The following PAK5 variants were observed in gnomAD, a reference collection of about 807,000 sequenced individuals.
The protein encoded by PAK5 is p21 (RAC1) activated kinase 5.
In PAK5, 16 loss-of-function variants were observed where a neutral mutation model predicts 65.9. The ratio of observed to expected loss-of-function variants is 0.24; its 90% CI spans 0.16 to 0.37. The LOEUF (loss-of-function observed/expected upper bound fraction) is 0.37. Ranked by LOEUF, PAK5 falls within the 10% of genes least tolerant of loss-of-function variation. PAK5 has a pLI of 1.00. For missense variants in PAK5, 785 were observed against 903.9 expected (o/e 0.87, Z 1.69); for synonymous variants, 371 against 354.9 (o/e 1.05, Z -0.51).
rs754026146 is a variant in PAK5 at position 9,819,536 on chromosome 20, C to CT, written c.-162+19225dup. 8.1e-4 allele frequency among the ~76,000 whole-genome samples: 124 copies of CT among 152,270 alleles called. 1 individual carries two copies. In the Middle Eastern group the frequency reaches 0.017, roughly 21 times the overall value. On this transcript the variant is annotated intron_variant, in intron 1 of 9. Coordinates refer to ENST00000353224, the MANE Select transcript of PAK5 (RefSeq NM_177990.4). Reference sequence around the variant, plus strand: ...ACTATAATTATATTGCTCAATTTTACTTTTACCTACACTAATGAACATTTA... The same window carrying CT: ...ACTATAATTATATTGCTCAATTTTACTTTTTACCTACACTAATGAACATTTA...
chr20:9,569,818 C>A (rs1456672210), intron 4 of PAK5, among the ~76,000 whole-genome samples: 1 of 151,862 alleles, frequency 6.6e-6, no homozygotes, highest in Non-Finnish European at 1.5e-5. Context: ...GCCTGGCCTG[C>A]TGAACATTCA....
At chr20:9,752,237 A>T (rs1382741697) in intron 1 of PAK5, among the ~76,000 whole-genome samples, 3 of 152,182 alleles carry the variant, frequency 2.0e-5, no homozygotes, top group Non-Finnish European at 4.4e-5. Context: ...TCCTTGAAAC[A>T]GAAGGGGTTT....
chr20:9,683,231 G>A (rs761659841), intron 2 of PAK5, among the ~76,000 whole-genome samples: 4 of 152,188 alleles, frequency 2.6e-5, no homozygotes, highest in Non-Finnish European at 4.4e-5. Flanking sequence ...TTCTCCGAAG[G>A]AATGGAAAAA....
chr20:9,697,154 G>C (rs1481855196), intron 2 of PAK5, among the ~76,000 whole-genome samples: 1 of 152,002 alleles, frequency 6.6e-6, no homozygotes, highest in Non-Finnish European at 1.5e-5. Flanking sequence ...ATTTAGAGAA[G>C]GTGCAGATTT....
intron 1 of PAK5, among the ~76,000 whole-genome samples, chr20:9,797,968 AC>A (rs2049124668): frequency 6.6e-6 from 1 of 152,082 alleles, no homozygotes; most frequent in Admixed American, 6.6e-5. Flanking sequence ...GAAGAGAAGT[AC>A]CCCAACCTGT....
chr20:9,823,689 A>T (rs1175835098), intron 1 of PAK5, among the ~76,000 whole-genome samples: 1 of 152,180 alleles, frequency 6.6e-6, no homozygotes, highest in Non-Finnish European at 1.5e-5. Flanking sequence ...GTATGTCTTT[A>T]TTAGCAGTGT....
At chr20:9,558,043 T>TATTTATTTATTCATTC (rs55861453) in intron 6 of PAK5, among the ~76,000 whole-genome samples, 3,137 of 138,746 alleles carry the variant, frequency 0.023, 43 homozygotes, top group East Asian at 0.048. Flanking sequence ...TTTATTTATT[T>TATTTATTTATTCATTC]ATTCATTCAT....
intron 2 of PAK5, among the ~76,000 whole-genome samples, chr20:9,694,315 T>C (rs1569044119): frequency 3.2e-5 from 1 of 31,442 alleles, no homozygotes. Flanking sequence ...TGTGTGTGTG[T>C]GTGTTTGTGT....
intron 4 of PAK5, among the ~76,000 whole-genome samples, chr20:9,571,430 G>C (rs937633307): frequency 1.3e-5 from 2 of 152,208 alleles, no homozygotes; most frequent in Non-Finnish European, 2.9e-5. Context: ...AGACGAAACT[G>C]CCCCCAAGCA....
chr20:9,609,396 G>T (rs1402866351), intron 3 of PAK5, among the ~76,000 whole-genome samples: 1 of 152,122 alleles, frequency 6.6e-6, no homozygotes, highest in Admixed American at 6.5e-5. Context: ...GTTTAACCTC[G>T]CATAGGTGCC....
intron 1 of PAK5, among the ~76,000 whole-genome samples, chr20:9,797,971 C>T (rs2049124744): frequency 6.6e-6 from 1 of 152,012 alleles, no homozygotes; most frequent in African/African-American, 2.4e-5. Context: ...GAGAAGTACC[C>T]CAACCTGTAG....
At chr20:9,810,578 G>T (rs2123753915) in intron 1 of PAK5, among the ~76,000 whole-genome samples, 1 of 152,268 alleles carries the variant, frequency 6.6e-6, no homozygotes, top group South Asian at 2.1e-4. Context: ...AATGTATCAA[G>T]GGCAGTGTTT....
intron 5 of PAK5, 65 bp downstream of exon 5, chr20:9,565,828 T>C: frequency 1.3e-6 from 2 of 1,486,104 alleles, no homozygotes; most frequent in Non-Finnish European, 1.8e-6. Context: ...TACATGTGTA[T>C]AACTTTTGAA....
chr20:9,707,369 T>TA (rs1241456312), intron 2 of PAK5, among the ~76,000 whole-genome samples: 1 of 152,174 alleles, frequency 6.6e-6, no homozygotes, highest in Non-Finnish European at 1.5e-5. Flanking sequence ...CTCAGCCTCT[T>TA]AAAGTGCTGG....
chr20:9,658,670 T>C (rs988321544), intron 2 of PAK5, among the ~76,000 whole-genome samples: 1 of 152,188 alleles, frequency 6.6e-6, no homozygotes, highest in African/African-American at 2.4e-5. Context: ...TGCTTCTAAG[T>C]GGTTAAAAAC....
At position 9,580,917 on chromosome 20, in the gene PAK5, C is replaced by T. The variant is rs867333778; in HGVS notation, c.218G>A (p.Gly73Glu). 6.3e-7 allele frequency: 1 copy of T among 1,586,812 alleles called. No homozygotes were observed. The highest frequency in any genetic ancestry group is 8.6e-7 in the Non-Finnish European group (1 of 1,167,892). The change falls in exon 4 of 10, where the codon GGA becomes GAA. Residue 73 changes from glycine (G) to glutamate (E), a missense_variant. Around this residue, in one of 4 missense-constraint regions of PAK5, gnomAD observed 71 missense variants for 110.2 expected, o/e 0.64. Transcript: ENST00000353224. ...QLAPMKTIVR[G>E]NKPCKETSIN... is the part of the protein sequence containing the mutation. ...GGAGGTTTCCTTGCAGGGTTTGTTT[C>T]CTCTAACGATTGTCTGGGAATAATA...
chr20:9,755,089 G>T (rs1238228319), intron 1 of PAK5, among the ~76,000 whole-genome samples: 4 of 152,134 alleles, frequency 2.6e-5, no homozygotes, highest in Non-Finnish European at 5.9e-5. Flanking sequence ...ACATTAGCAT[G>T]ATTTCAATAG....
chr20:9,644,865 A>G (rs549164640), intron 2 of PAK5, among the ~76,000 whole-genome samples: 1 of 152,356 alleles, frequency 6.6e-6, no homozygotes, highest in Admixed American at 6.5e-5. Context: ...AATGTATGTA[A>G]TGAAGCCACT....
intron 1 of PAK5, among the ~76,000 whole-genome samples, chr20:9,788,096 A>C (rs1256675259): frequency 6.6e-6 from 1 of 152,118 alleles, no homozygotes; most frequent in Non-Finnish European, 1.5e-5. Context: ...GAAACAAATT[A>C]AAGAAAGCAT....
Sources: allele counts gnomAD v4.1 joint callset (sites outside exome capture counted in the v4.1 genomes callset), GRCh38; gene constraint gnomAD v4.1.1; regional missense constraint gnomAD v4.1.1; transcripts MANE v1.5; gene names NCBI Gene and HGNC (gene_info 2026-07-23, HGNC 2026-07-21).